The following MUSK variants were observed in gnomAD, a reference collection of about 807,000 sequenced individuals.
The protein encoded by MUSK is muscle associated receptor tyrosine kinase.
Under a neutral mutation model 88.7 loss-of-function variants are expected in MUSK, and 55 were observed. That is an observed-to-expected ratio of 0.62 (90% CI 0.50 to 0.78). The LOEUF (loss-of-function observed/expected upper bound fraction) is 0.78, where lower values mean the gene tolerates loss of function less well. Ranked by LOEUF, MUSK falls within the 30% of genes least tolerant of loss-of-function variation. The pLI is 0.00. For synonymous variants in MUSK, 387 were observed against 391.9 expected (o/e 0.99, Z 0.15); for missense variants, 1,015 against 1,074.3 (o/e 0.94, Z 0.77).
At chr9:110,669,456 G>A (rs1356412474) in intron 1 of MUSK, among the ~76,000 whole-genome samples, 1 of 152,068 alleles carries the variant, frequency 6.6e-6, no homozygotes. Flanking sequence ...AAATATTTTA[G>A]TTGCTAAAAA....
At chr9:110,732,126 T>C (rs1319791267) in intron 5 of MUSK, among the ~76,000 whole-genome samples, 1 of 152,120 alleles carries the variant, frequency 6.6e-6, no homozygotes, top group South Asian at 2.1e-4. Context: ...TCAATGTTAC[T>C]AGAACAGTTT....
At chr9:110,782,908 C>A (rs148396325) in intron 11 of MUSK, among the ~76,000 whole-genome samples, 72 of 152,282 alleles carry the variant, frequency 4.7e-4, no homozygotes, top group African/African-American at 1.3e-3. Flanking sequence ...GTTCCAGGTG[C>A]CTGCCTGAGT....
chr9:110,720,939 A>G (rs2076803183), intron 5 of MUSK, among the ~76,000 whole-genome samples: 1 of 152,164 alleles, frequency 6.6e-6, no homozygotes, highest in African/African-American at 2.4e-5. Flanking sequence ...GGTTTAACAT[A>G]TGTAACTCAA....
intron 6 of MUSK, among the ~76,000 whole-genome samples, chr9:110,736,993 A>G (rs964714494): frequency 6.6e-6 from 1 of 151,846 alleles, no homozygotes; most frequent in Non-Finnish European, 1.5e-5. Flanking sequence ...CTCTTATTAG[A>G]CTCTTAAGGG....
chr9:110,746,557 A>C (rs1340292383), intron 6 of MUSK, among the ~76,000 whole-genome samples: 1 of 152,190 alleles, frequency 6.6e-6, no homozygotes, highest in Non-Finnish European at 1.5e-5. Flanking sequence ...TTTCCTACAG[A>C]GTTGGAGTAA....
At chr9:110,766,876 T>G (rs1294452279) in intron 8 of MUSK, among the ~76,000 whole-genome samples, 1 of 152,198 alleles carries the variant, frequency 6.6e-6, no homozygotes, top group Non-Finnish European at 1.5e-5. Context: ...CTACACATAA[T>G]AAGTATTCAA....
At chr9:110,783,620 A>G (rs535902471) in intron 11 of MUSK, among the ~76,000 whole-genome samples, 1 of 152,136 alleles carries the variant, frequency 6.6e-6, no homozygotes, top group Admixed American at 6.5e-5. Context: ...GAATATTTAT[A>G]AAACCAACTA....
At chr9:110,697,946 T>A (rs1043118150) in intron 5 of MUSK, among the ~76,000 whole-genome samples, 1 of 151,584 alleles carries the variant, frequency 6.6e-6, no homozygotes, top group Non-Finnish European at 1.5e-5. Context: ...AAGCCAAAAA[T>A]AATCCCAGTT....
intron 7 of MUSK, among the ~76,000 whole-genome samples, chr9:110,750,353 A>C (rs2077232539): frequency 6.6e-6 from 1 of 152,058 alleles, no homozygotes; most frequent in Admixed American, 6.6e-5. Flanking sequence ...CACCCCCCAC[A>C]CCACTGCTAA....
In MUSK at chr9:110,802,038, A is replaced by G. The variant is rs1339390361; in HGVS notation, c.*1050A>G. On this transcript the variant is annotated 3_prime_UTR_variant, in exon 15 of 15. Transcript: ENST00000374448. ...AGAGTCTATTTAAATCTCTTAAACCATAATTTATAATATGAGATTTCACAA... is the reference window on the plus strand; with the variant it reads ...AGAGTCTATTTAAATCTCTTAAACCGTAATTTATAATATGAGATTTCACAA... Among the ~76,000 whole-genome samples the G allele has an allele frequency of 6.6e-6, 1 of 152,130 alleles. No individual in the cohort carries two copies. The highest frequency in any genetic ancestry group is 1.5e-5 in the Non-Finnish European group (1 of 68,030).
At chr9:110,702,167 G>A (rs931707144) in intron 5 of MUSK, among the ~76,000 whole-genome samples, 5 of 151,884 alleles carry the variant, frequency 3.3e-5, no homozygotes, top group Non-Finnish European at 7.4e-5. Flanking sequence ...CGGAAATGCT[G>A]GGCTAGTTGT....
chr9:110,712,422 T>C (rs10441746), intron 5 of MUSK, among the ~76,000 whole-genome samples: 134,246 of 152,090 alleles, frequency 0.88, 59,637 homozygotes, highest in African/African-American at 0.94. Flanking sequence ...TTCCTTAAGA[T>C]CTCTATGGAA....
rs2076917142 is a variant in MUSK at position 110,728,403 on chromosome 9, T to C, written c.629-5848T>C. 5 of 375,014 alleles carry C rather than the reference T, an allele frequency of 1.3e-5. No homozygotes were observed. In the East Asian group the frequency reaches 2.8e-4, roughly 21 times the overall value. 23.2% of individuals were successfully genotyped at this position (375,014 alleles called of 1,614,324 possible). On this transcript the variant is annotated intron_variant, in intron 5 of 14. Transcript: ENST00000374448. ...CTGTCAACATTAGAATAAAAATTCA[T>C]GAAAGAGCTACATTGTTAGGTATGC...
At chr9:110,763,050 T>C (rs982161048) in intron 8 of MUSK, among the ~76,000 whole-genome samples, 30 of 152,194 alleles carry the variant, frequency 2.0e-4, no homozygotes, top group African/African-American at 7.0e-4. Context: ...CCACAATGCG[T>C]ACATGTTTTA....
intron 13 of MUSK, 66 bp from the exon 14 acceptor site, chr9:110,787,624 G>A: frequency 6.6e-7 from 1 of 1,519,170 alleles, no homozygotes; most frequent in South Asian, 1.2e-5. Flanking sequence ...ATGTATAAAT[G>A]TGGGTAGGTA....
intron 5 of MUSK, among the ~76,000 whole-genome samples, chr9:110,723,995 C>T (rs151115774): frequency 1.3e-5 from 2 of 152,068 alleles, no homozygotes; most frequent in African/African-American, 4.8e-5. Flanking sequence ...TCTCTCTGGC[C>T]TCAGGGCTGT....
rs564199649 is a variant in MUSK at position 110,699,868 on chromosome 9, A to G, written c.628+2402A>G. The stretch of plus-strand genomic sequence containing the variant: ...CTACATGTAACACAGATGGGCATAC[A>G]GGAAAAGATAGAGTTTTGTCATTGA... On this transcript the variant is annotated intron_variant, in intron 5 of 14. Coordinates refer to ENST00000374448, the MANE Select transcript of MUSK (RefSeq NM_005592.4). Among the ~76,000 whole-genome samples, 3 of 152,302 alleles carry G rather than the reference A, an allele frequency of 2.0e-5. No homozygotes were observed. The East Asian group carries it at 5.8e-4, about 29-fold the overall frequency.
At chr9:110,779,269 C>T (rs1487242784) in intron 11 of MUSK, among the ~76,000 whole-genome samples, 2 of 151,996 alleles carry the variant, frequency 1.3e-5, no homozygotes, top group Admixed American at 1.3e-4. Flanking sequence ...TTCCATTTTC[C>T]CTCCTGAATT....
At chr9:110,694,468 C>T (rs1002778874) in intron 3 of MUSK, among the ~76,000 whole-genome samples, 1 of 151,020 alleles carries the variant, frequency 6.6e-6, no homozygotes, top group Non-Finnish European at 1.5e-5. Context: ...ACCAACAACA[C>T]CAAAGCCCCC....
Sources: gnomAD v4.1 joint callset for allele counts (sites outside exome capture counted in the v4.1 genomes callset) on GRCh38, gnomAD v4.1.1 for gene constraint, MANE v1.5 for transcripts, NCBI Gene and HGNC (gene_info 2026-07-23, HGNC 2026-07-21) for gene names.